The following TCF4 variants were observed in gnomAD, a reference collection of about 807,000 sequenced individuals.
TCF4 encodes the protein transcription factor 4, also known as SL3-3 enhancer factor 2.
TCF4 carries 3 observed loss-of-function variants against 82.1 expected under a neutral mutation model. The ratio of observed to expected loss-of-function variants is 0.04; its 90% CI spans 0.02 to 0.09. The LOEUF (loss-of-function observed/expected upper bound fraction) is 0.09, where lower values mean the gene tolerates loss of function less well. Among genes scored for constraint, TCF4 ranks in the 10% least tolerant of loss-of-function variants. The pLI, the probability that TCF4 is intolerant of heterozygous loss-of-function variation, is 1.00. For missense variants in TCF4, 518 were observed against 852.7 expected (o/e 0.61, Z 4.89); for synonymous variants, 276 against 309.6 (o/e 0.89, Z 1.14).
intron 3 of TCF4, among the ~76,000 whole-genome samples, chr18:55,485,942 T>TTAATAA (rs2096508403): frequency 6.6e-6 from 1 of 152,218 alleles, no homozygotes; most frequent in Non-Finnish European, 1.5e-5. Flanking sequence ...AGGCAAACCA[T>TTAATAA]CTTTAAGTAT....
At chr18:55,543,632 C>A (rs1191387258) in intron 3 of TCF4, among the ~76,000 whole-genome samples, 2 of 152,066 alleles carry the variant, frequency 1.3e-5, no homozygotes, top group African/African-American at 4.8e-5. Context: ...TATGATACAG[C>A]AGAGTTTTCA....
chr18:55,316,940 C>T (rs1451675328), intron 8 of TCF4, among the ~76,000 whole-genome samples: 2 of 151,930 alleles, frequency 1.3e-5, no homozygotes, highest in South Asian at 2.1e-4. Flanking sequence ...TGTAACTGAT[C>T]CATATTTTTT....
chr18:55,510,672 A>C, intron 3 of TCF4: 2 of 1,484,960 alleles, frequency 1.3e-6, no homozygotes, highest in Non-Finnish European at 1.8e-6. Flanking sequence ...TAAACTTTTA[A>C]AGTTTGTGAA....
chr18:55,330,983 A>C (rs549145167), intron 8 of TCF4, among the ~76,000 whole-genome samples: 2 of 152,344 alleles, frequency 1.3e-5, no homozygotes, highest in South Asian at 4.1e-4. Flanking sequence ...CCTTTGTTCC[A>C]ATCCCTAACT....
chr18:55,601,594 A>T (rs1445633883), intron 2 of TCF4, among the ~76,000 whole-genome samples: 1 of 151,904 alleles, frequency 6.6e-6, no homozygotes, highest in Admixed American at 6.6e-5. Context: ...GACCAGCCTG[A>T]CCAACATGGT....
At chr18:55,463,977 T>TGTGAGAGAGAGA in intron 4 of TCF4, 99 bp downstream of exon 4, 1 of 302,970 alleles carries the variant, frequency 3.3e-6, no homozygotes. Flanking sequence ...TGTGTGTGTG[T>TGTGAGAGAGAGA]GAGAGAGAGA....
chr18:55,295,072 A>C (rs1282981581), intron 8 of TCF4, among the ~76,000 whole-genome samples: 1 of 152,194 alleles, frequency 6.6e-6, no homozygotes, highest in Non-Finnish European at 1.5e-5. Context: ...ACTTATAAGG[A>C]GGCACAATCC....
At chr18:55,544,435 C>T (rs754727922) in intron 3 of TCF4, among the ~76,000 whole-genome samples, 1 of 152,078 alleles carries the variant, frequency 6.6e-6, no homozygotes, top group Non-Finnish European at 1.5e-5. Flanking sequence ...AGTGGACTCC[C>T]CTGCTCTTTA....
chr18:55,556,848 A>C (rs567009111), intron 3 of TCF4, among the ~76,000 whole-genome samples: 1 of 152,236 alleles, frequency 6.6e-6, no homozygotes, highest in Non-Finnish European at 1.5e-5. Context: ...GTAAAACTTA[A>C]GAGAATTCTG....
At chr18:55,285,560 G>C (rs1343344241) in intron 8 of TCF4, among the ~76,000 whole-genome samples, 1 of 152,144 alleles carries the variant, frequency 6.6e-6, no homozygotes, top group Non-Finnish European at 1.5e-5. Context: ...TAAATGTTCT[G>C]TCCCTCAGTC....
At chr18:55,628,003 T>C (rs928749087) in intron 2 of TCF4, among the ~76,000 whole-genome samples, 14 of 152,076 alleles carry the variant, frequency 9.2e-5, no homozygotes, top group Non-Finnish European at 1.6e-4. Context: ...GAGCTTGCAG[T>C]GAGCCATGAT....
chr18:55,427,846 A>G (rs545002023), intron 5 of TCF4, among the ~76,000 whole-genome samples: 6 of 152,336 alleles, frequency 3.9e-5, no homozygotes, highest in Admixed American at 1.3e-4. Context: ...AGACCAAGAA[A>G]TGTGTTTTGT....
intron 3 of TCF4, among the ~76,000 whole-genome samples, chr18:55,533,918 G>A (rs1193245265): frequency 6.6e-6 from 1 of 152,204 alleles, no homozygotes; most frequent in Non-Finnish European, 1.5e-5. Flanking sequence ...CAGGCACTGA[G>A]GACCCAGTAC....
At chr18:55,589,980 G>A (rs2097681506), upstream of TCF4, 1 of 267,620 alleles carries the variant, frequency 3.7e-6, no homozygotes, top group Non-Finnish European at 5.8e-6. Context: ...TCTCGGGTAG[G>A]CGTCGCGCGT....
intron 16 of TCF4, among the ~76,000 whole-genome samples, chr18:55,233,777 C>A (rs1364499749): frequency 2.0e-5 from 3 of 148,964 alleles, no homozygotes; most frequent in Non-Finnish European, 3.0e-5. Context: ...TGAGATCGCA[C>A]CACTGTACTC....
chr18:55,459,289 A>G (rs777505490), intron 5 of TCF4, among the ~76,000 whole-genome samples: 1 of 152,210 alleles, frequency 6.6e-6, no homozygotes, highest in African/African-American at 2.4e-5. Flanking sequence ...TGAAAAACTA[A>G]TTTGATTTGT....
chr18:55,418,041 G>A (rs1054958691), intron 5 of TCF4, among the ~76,000 whole-genome samples: 2 of 142,938 alleles, frequency 1.4e-5, no homozygotes, highest in African/African-American at 2.6e-5. Context: ...GTGTGTGTGT[G>A]TGTATCTGTG....
intron 8 of TCF4, chr18:55,321,917 T>C (rs1262757157): frequency 7.1e-7 from 1 of 1,399,518 alleles, no homozygotes; most frequent in East Asian, 2.6e-5. Flanking sequence ...GCGGCGCTGC[T>C]GTCAGACGCT....
chr18:55,454,757 T>G (rs1039322456), intron 5 of TCF4, among the ~76,000 whole-genome samples: 2 of 152,012 alleles, frequency 1.3e-5, no homozygotes, highest in African/African-American at 4.8e-5. Context: ...AAATGACATA[T>G]CAGAAAGATC....
Sources: gnomAD v4.1 joint callset for allele counts (sites outside exome capture counted in the v4.1 genomes callset) on GRCh38, gnomAD v4.1.1 for gene constraint, MANE v1.5 for transcripts, NCBI Gene and HGNC (gene_info 2026-07-23, HGNC 2026-07-21) for gene names.